IGHMBP2: variants seen among roughly 807,000 people sequenced by gnomAD.
IGHMBP2 encodes DNA-binding protein SMUBP-2.
Under a neutral mutation model 96.0 loss-of-function variants are expected in IGHMBP2, and 81 were observed. The ratio of observed to expected loss-of-function variants is 0.84; its 90% confidence interval spans 0.71 to 1.01. IGHMBP2 has a LOEUF of 1.01. Among genes scored for constraint, IGHMBP2 ranks in the 50% least tolerant of loss-of-function variants. The pLI, the probability that IGHMBP2 is intolerant of heterozygous loss-of-function variation, is 0.00. For missense variants in IGHMBP2, 1,227 were observed against 1,306.3 expected, an observed-to-expected ratio of 0.94 and a Z score of 0.94; for synonymous variants, 557 against 548.9, an observed-to-expected ratio of 1.01 and a Z score of -0.21.
chr11:68,917,199 G>A lies in IGHMBP2; in HGVS notation c.913-537G>A, dbSNP rs547475544. On this transcript the variant is annotated intron_variant, in intron 6 of 14. Transcript: ENST00000255078. ...TCACTGTGTTGGCCAGGCTGGTCTC[G>A]ATTTCCTGAGCTCGTGATCTGCCTG... Among the ~76,000 whole-genome samples the A allele has an allele frequency of 1.2e-4, 18 of 151,966 alleles. No homozygotes were observed. In the South Asian group the frequency reaches 1.7e-3, roughly 14 times the overall value.
At chr11:68,930,762 G>T (rs1453889699) in intron 8 of IGHMBP2, among the ~76,000 whole-genome samples, 2 of 152,190 alleles carry the variant, frequency 1.3e-5, no homozygotes, top group African/African-American at 4.8e-5. Flanking sequence ...GCTCCTCTCT[G>T]TAGGCAGGTC....
In IGHMBP2 at chr11:68,916,987, T is replaced by TC. The variant is rs1470812293; in HGVS notation, c.913-749_913-748insC. Among the ~76,000 whole-genome samples, 4 of 147,056 alleles carry TC rather than the reference T, an allele frequency of 2.7e-5. No individual in the cohort carries two copies. The East Asian group carries it at 7.8e-4, about 29-fold the overall frequency. ...GGAAAGGTTACATCTTTTTTTTTTT[T>TC]TTTTTTTTTTTTTTAAAGAATCTTG... On this transcript the variant is annotated intron_variant, in intron 6 of 14. Coordinates refer to ENST00000255078, the MANE Select transcript of IGHMBP2 (RefSeq NM_002180.3).
At position 68,936,129 on chromosome 11, in the gene IGHMBP2, A is replaced by G. The variant is rs549257287; in HGVS notation, c.1757-108A>G. On this transcript the variant is annotated intron_variant, in intron 12 of 14. Transcript: ENST00000255078. ...CGGGCACCCGTGTGGATGGTGGGCC[A>G]CGCGCAGGGGACTACACTTTTGGTG... is the stretch of plus-strand genomic sequence containing the variant. 15 of 1,307,610 alleles carry G rather than the reference A, an allele frequency of 1.1e-5. No homozygotes were observed. The African/African-American group carries it at 2.0e-4, about 18-fold the overall frequency. The allele number at this position is 1,307,610 out of a possible 1,614,324, so 81.0% of individuals were successfully genotyped here.
At chr11:68,922,352 C>T (rs1378477192) in intron 7 of IGHMBP2, among the ~76,000 whole-genome samples, 1 of 151,760 alleles carries the variant, frequency 6.6e-6, no homozygotes, top group Non-Finnish European at 1.5e-5. Flanking sequence ...CTTTCTTTAT[C>T]ACTGGTTTTA....
intron 7 of IGHMBP2, among the ~76,000 whole-genome samples, chr11:68,927,264 C>A (rs1165106922): frequency 6.6e-6 from 1 of 152,180 alleles, no homozygotes; most frequent in African/African-American, 2.4e-5. Context: ...TGGACTAATT[C>A]TGTAAAATCT....
intron 2 of IGHMBP2, chr11:68,906,514 G>T: frequency 4.8e-6 from 2 of 419,666 alleles, no homozygotes; most frequent in Non-Finnish European, 8.6e-6. Flanking sequence ...GGAAGATTAT[G>T]TTAAAAAAAC....
chr11:68,908,063 TG>T, intron 2 of IGHMBP2, 81 bp from the exon 3 acceptor site: 1 of 1,070,384 alleles, frequency 9.3e-7, no homozygotes, highest in Non-Finnish European at 1.5e-6. Context: ...ATAAAATATT[TG>T]AAGTATAGTG....
At chr11:68,914,520 C>T (rs1858571733) in intron 5 of IGHMBP2, among the ~76,000 whole-genome samples, 1 of 152,160 alleles carries the variant, frequency 6.6e-6, no homozygotes, top group South Asian at 2.1e-4. Context: ...ATGTTTACAG[C>T]TCTGTGAGTT....
chr11:68,930,900 C>G (rs1859272073), intron 8 of IGHMBP2, among the ~76,000 whole-genome samples: 1 of 152,178 alleles, frequency 6.6e-6, no homozygotes, highest in Non-Finnish European at 1.5e-5. Context: ...CCTCTCTGCC[C>G]TCTCCGTCCT....
At chr11:68,904,094 A>C (rs1205090793) in intron 1 of IGHMBP2, 56 bp downstream of exon 1, 2 of 1,365,236 alleles carry the variant, frequency 1.5e-6, no homozygotes, top group Non-Finnish European at 2.0e-6. Flanking sequence ...TGTCCCGGGC[A>C]GAGTCTCCGA....
At chr11:68,918,155 C>T (rs1470745825) in intron 7 of IGHMBP2, among the ~76,000 whole-genome samples, 2 of 152,088 alleles carry the variant, frequency 1.3e-5, no homozygotes, top group African/African-American at 4.8e-5. Context: ...TTTATCTAAA[C>T]GGTTGAATTT....
intron 2 of IGHMBP2, among the ~76,000 whole-genome samples, chr11:68,907,349 G>C (rs989032295): frequency 6.6e-6 from 1 of 152,172 alleles, no homozygotes; most frequent in African/African-American, 2.4e-5. Flanking sequence ...TAAACATGCA[G>C]GATGTGTACT....
intron 1 of IGHMBP2, among the ~76,000 whole-genome samples, chr11:68,905,245 G>A (rs1230568672): frequency 6.6e-6 from 1 of 152,264 alleles, no homozygotes; most frequent in African/African-American, 2.4e-5. Flanking sequence ...ATGTGGGTAG[G>A]ATTTGTCTGA....
chr11:68,916,723 C>T (rs1030793755), intron 6 of IGHMBP2, among the ~76,000 whole-genome samples: 2 of 152,058 alleles, frequency 1.3e-5, no homozygotes, highest in African/African-American at 4.8e-5. Context: ...TGGCTGCTTG[C>T]ATGGCAGCGT....
At chr11:68,927,160 TA>T (rs1425077352) in intron 7 of IGHMBP2, among the ~76,000 whole-genome samples, 2 of 152,238 alleles carry the variant, frequency 1.3e-5, no homozygotes, top group African/African-American at 4.8e-5. Context: ...TGGATGATTT[TA>T]AATAATAGAA....
intron 8 of IGHMBP2, chr11:68,930,552 C>T: frequency 8.3e-6 from 10 of 1,204,924 alleles, no homozygotes; most frequent in Middle Eastern, 5.4e-4. Context: ...GAAAGATCGT[C>T]CTGGTGGGAG....
chr11:68,909,184 G>T (rs1214969415), intron 4 of IGHMBP2, among the ~76,000 whole-genome samples: 5 of 90,916 alleles, frequency 5.5e-5, no homozygotes, highest in East Asian at 3.2e-4. Flanking sequence ...GGCGGGGGGG[G>T]TGGAGGGGGG....
chr11:68,908,448 C>A, intron 3 of IGHMBP2, 86 bp from the exon 4 acceptor site: 1 of 1,438,524 alleles, frequency 7.0e-7, no homozygotes, highest in Non-Finnish European at 9.8e-7. Flanking sequence ...GTGGGTGTGG[C>A]CCTCATGGGA....
In IGHMBP2 at chr11:68,935,385, G is replaced by A. The variant is rs764732020; in HGVS notation, c.1719G>A (p.Glu573=). The change falls in exon 12 of 15, where the codon GAG becomes GAA. Residue 573 remains glutamate (E), a synonymous_variant. Transcript: ENST00000255078. ...SVDGFQGREK[E]AVILSFVRSN... is the part of the protein sequence containing the mutation. ...ATGGCTTCCAAGGCCGAGAGAAGGAGGCCGTGATACTGTCCTTCGTCAGAT... is the reference window on the plus strand; with the variant it reads ...ATGGCTTCCAAGGCCGAGAGAAGGAAGCCGTGATACTGTCCTTCGTCAGAT... The A allele has an allele frequency of 3.7e-6, 6 of 1,614,186 alleles. No homozygotes were observed. In the South Asian group the frequency reaches 6.6e-5, roughly 18 times the overall value.
Sources: gnomAD v4.1 joint callset for allele counts (sites outside exome capture counted in the v4.1 genomes callset) on GRCh38, gnomAD v4.1.1 for gene constraint, MANE v1.5 for transcripts, NCBI Gene and HGNC (gene_info 2026-07-23, HGNC 2026-07-21) for gene names.